The following TMEM217B variants were observed in gnomAD, a reference collection of about 807,000 sequenced individuals.
TMEM217B encodes the protein transmembrane protein 217B, also known as putative transmembrane protein 217B.
the TMEM217B span, among the ~76,000 whole-genome samples, chr6:37,241,609 G>A: frequency 1.3e-4 from 20 of 152,150 alleles, no homozygotes; most frequent in Non-Finnish European, 2.4e-4. Context: ...TCTGTTCCAG[G>A]TTCTACATCT....
At chr6:37,244,631 T>C in the TMEM217B span, among the ~76,000 whole-genome samples, 1 of 152,226 alleles carries the variant, frequency 6.6e-6, no homozygotes, top group Admixed American at 6.5e-5. Context: ...CATAGACTTG[T>C]GGAGAAATCT....
chr6:37,226,208 T>A, the TMEM217B span, among the ~76,000 whole-genome samples: 1 of 151,872 alleles, frequency 6.6e-6, no homozygotes, highest in African/African-American at 2.4e-5. Flanking sequence ...TAAAGAGATA[T>A]CTCCCCTTTA....
At chr6:37,222,739 G>T in the TMEM217B span, among the ~76,000 whole-genome samples, 1 of 152,250 alleles carries the variant, frequency 6.6e-6, no homozygotes, top group Non-Finnish European at 1.5e-5. Flanking sequence ...TGCCTGCTCC[G>T]TAGAGCCGGA....
chr6:37,257,184 T>G, the TMEM217B span, among the ~76,000 whole-genome samples: 1 of 152,210 alleles, frequency 6.6e-6, no homozygotes, highest in Non-Finnish European at 1.5e-5. Context: ...ACATAGGGAT[T>G]AGATCATTTG....
the TMEM217B span, chr6:37,258,027 C>T: frequency 3.8e-6 from 6 of 1,588,892 alleles, no homozygotes; most frequent in African/African-American, 8.1e-5. Context: ...CTTCCAGATC[C>T]TAATCCCTGA....
the TMEM217B span, among the ~76,000 whole-genome samples, chr6:37,252,637 ATTT>A: frequency 7.4e-4 from 53 of 71,354 alleles, no homozygotes; most frequent in African/African-American, 2.4e-3. Context: ...ATATATATAT[ATTT>A]TTTTTTTTTT....
At chr6:37,228,073 G>T in the TMEM217B span, among the ~76,000 whole-genome samples, 1 of 152,096 alleles carries the variant, frequency 6.6e-6, no homozygotes, top group African/African-American at 2.4e-5. Context: ...AGCTAGGCAA[G>T]TCAAATAAAT....
At chr6:37,225,393 A>G in the TMEM217B span, among the ~76,000 whole-genome samples, 13 of 152,280 alleles carry the variant, frequency 8.5e-5, no homozygotes, top group Middle Eastern at 3.4e-3. Flanking sequence ...AAGCTAGTAA[A>G]TAAAAGAACA....
the TMEM217B span, among the ~76,000 whole-genome samples, chr6:37,236,517 G>A: frequency 2.6e-5 from 4 of 151,958 alleles, no homozygotes; most frequent in Non-Finnish European, 4.4e-5. Context: ...GGGAATAATA[G>A]GCCATTATAG....
At chr6:37,215,994 GGTGTGTGTGTGTGTGTGTGT>G in the TMEM217B span, among the ~76,000 whole-genome samples, 2 of 149,182 alleles carry the variant, frequency 1.3e-5, no homozygotes, top group South Asian at 2.1e-4. Context: ...GGTTCTTCAG[GGTGTGTGTGTGTGTGTGTGT>G]GTGTGTGTGT....
chr6:37,257,569 T>G, the TMEM217B span: 4 of 350,734 alleles, frequency 1.1e-5, no homozygotes, highest in Admixed American at 4.6e-5. Context: ...TTACCTTACC[T>G]GCTTCTTCCC....
chr6:37,221,026 T>G, the TMEM217B span, among the ~76,000 whole-genome samples: 4 of 152,186 alleles, frequency 2.6e-5, no homozygotes, highest in Non-Finnish European at 5.9e-5. Context: ...ATATTCATTT[T>G]GTTGTACAAA....
the TMEM217B span, chr6:37,213,012 C>T: frequency 6.6e-7 from 1 of 1,510,654 alleles, no homozygotes; most frequent in African/African-American, 1.4e-5. Flanking sequence ...GGAAGAAAAT[C>T]ATACAGACAC....
chr6:37,252,678 C>T, the TMEM217B span, among the ~76,000 whole-genome samples: 2 of 137,772 alleles, frequency 1.5e-5, no homozygotes, highest in Non-Finnish European at 1.5e-5. Flanking sequence ...CTCACTCTGT[C>T]ACCCAGGCTG....
the TMEM217B span, among the ~76,000 whole-genome samples, chr6:37,233,420 G>T: frequency 6.6e-6 from 1 of 152,200 alleles, no homozygotes; most frequent in African/African-American, 2.4e-5. Flanking sequence ...AGAAGTCCAA[G>T]ATTAAGGCAC....
the TMEM217B span, among the ~76,000 whole-genome samples, chr6:37,255,104 G>A: frequency 6.6e-6 from 1 of 152,202 alleles, no homozygotes; most frequent in South Asian, 2.1e-4. Flanking sequence ...ACAGGCAACA[G>A]ACAGGGGGCC....
At chr6:37,230,718 C>T in the TMEM217B span, among the ~76,000 whole-genome samples, 1 of 152,136 alleles carries the variant, frequency 6.6e-6, no homozygotes, top group Non-Finnish European at 1.5e-5. Flanking sequence ...TTAAGCCACT[C>T]TGTGATATGT....
At chr6:37,230,390 C>T in the TMEM217B span, among the ~76,000 whole-genome samples, 2 of 152,170 alleles carry the variant, frequency 1.3e-5, no homozygotes, top group South Asian at 2.1e-4. Flanking sequence ...TTGTGCCCCT[C>T]GTCACCAGGG....
chr6:37,223,660 C>T, the TMEM217B span, among the ~76,000 whole-genome samples: 1 of 152,054 alleles, frequency 6.6e-6, no homozygotes. Context: ...AAGCGTGTGC[C>T]ACCATGCCCA....
Sources: gnomAD v4.1 joint callset for allele counts (sites outside exome capture counted in the v4.1 genomes callset) on GRCh38, gnomAD v4.1.1 for gene constraint, MANE v1.5 for transcripts, NCBI Gene and HGNC (gene_info 2026-07-23, HGNC 2026-07-21) for gene names.